Variants in DMD observed in about 807,000 individuals in gnomAD.
DMD encodes the protein dystrophin, also known as mutant dystrophin.
In DMD, 63 loss-of-function variants were observed where a neutral mutation model predicts 330.1. The observed-to-expected ratio is 0.19, with a 90% CI of 0.16 to 0.24. The LOEUF is 0.24. DMD is among the 10% of genes least tolerant of loss of function. The pLI is 1.00. For synonymous variants in DMD, 1,223 were observed against 959.8 expected (o/e 1.27, Z -5.07); for missense variants, 3,344 against 2,684.1 (o/e 1.25, Z -5.43).
chrX:32,750,083 T>C (rs1344379451), intron 7 of DMD, among the ~76,000 whole-genome samples: 3 of 112,311 alleles, frequency 2.7e-5, no homozygotes, highest in Non-Finnish European at 5.6e-5. Context: ...TCTACATATA[T>C]AGAAGACACT....
intron 64 of DMD, among the ~76,000 whole-genome samples, chrX:31,216,953 G>T (rs2045472226): frequency 8.9e-6 from 1 of 111,868 alleles, no homozygotes; most frequent in Non-Finnish European, 1.9e-5. Flanking sequence ...CAGAATATTT[G>T]TCACACTTAT....
chrX:31,863,222 A>C (rs2093740240), intron 48 of DMD, among the ~76,000 whole-genome samples: 1 of 112,383 alleles, frequency 8.9e-6, no homozygotes, highest in Non-Finnish European at 1.9e-5. Flanking sequence ...GGGCGCCTGT[A>C]GTCCCAGCTG....
intron 17 of DMD, among the ~76,000 whole-genome samples, chrX:32,527,567 T>G (rs1023373308): frequency 4.6e-5 from 5 of 109,727 alleles, no homozygotes; most frequent in Admixed American, 2.0e-4. Flanking sequence ...CCCTCTCTGC[T>G]TGTTTCCACA....
intron 53 of DMD, among the ~76,000 whole-genome samples, chrX:31,670,097 T>A (rs1339563470): frequency 8.9e-6 from 1 of 111,929 alleles, no homozygotes; most frequent in Non-Finnish European, 1.9e-5. Context: ...CACTTTTAGA[T>A]TATTCATTTT....
At chrX:32,755,124 A>T (rs1008899952) in intron 7 of DMD, 1 of 110,935 alleles carries the variant, frequency 9.0e-6, no homozygotes, top group Middle Eastern at 4.2e-3. Context: ...AGAATTGCCC[A>T]TGTATCTGCT....
chrX:31,610,610 T>C (rs2077859741), intron 55 of DMD, among the ~76,000 whole-genome samples: 1 of 112,298 alleles, frequency 8.9e-6, no homozygotes, highest in Admixed American at 9.5e-5. Flanking sequence ...GAAACATGTT[T>C]AACAAAATGC....
chrX:32,436,258 C>T (rs193098549), intron 29 of DMD, among the ~76,000 whole-genome samples: 12 of 111,625 alleles, frequency 1.1e-4, no homozygotes, highest in African/African-American at 3.9e-4. Flanking sequence ...CTTTTATTTC[C>T]TATTAAAAAT....
At chrX:32,883,432 A>G (rs2084156898) in intron 2 of DMD, among the ~76,000 whole-genome samples, 1 of 111,425 alleles carries the variant, frequency 9.0e-6, no homozygotes, top group Admixed American at 9.5e-5. Context: ...CACTACCCCA[A>G]TATTTTTTCC....
intron 41 of DMD, among the ~76,000 whole-genome samples, chrX:32,321,238 T>G (rs2097612612): frequency 1.8e-5 from 2 of 111,297 alleles, no homozygotes; most frequent in South Asian, 7.4e-4. Flanking sequence ...CACTTTGAAC[T>G]GAGTCCATGC....
intron 12 of DMD, among the ~76,000 whole-genome samples, chrX:32,613,784 T>C (rs972922103): frequency 8.9e-6 from 1 of 111,755 alleles, no homozygotes; most frequent in Non-Finnish European, 1.9e-5. Context: ...AGCCTAGCTA[T>C]GCTGTATTTT....
At chrX:32,196,723 C>T (rs766072191) in intron 44 of DMD, among the ~76,000 whole-genome samples, 68 of 110,813 alleles carry the variant, frequency 6.1e-4, no homozygotes, top group African/African-American at 2.1e-3. Flanking sequence ...CGGTGGCTCA[C>T]GCCTGTAATC....
At chrX:31,922,159 T>A (rs2094698610) in intron 47 of DMD, among the ~76,000 whole-genome samples, 1 of 111,022 alleles carries the variant, frequency 9.0e-6, no homozygotes, top group African/African-American at 3.3e-5. Flanking sequence ...GGGGAAGGAA[T>A]GCTGATGTCA....
At chrX:32,096,938 C>T (rs763256797) in intron 44 of DMD, among the ~76,000 whole-genome samples, 42 of 111,524 alleles carry the variant, frequency 3.8e-4, no homozygotes, top group African/African-American at 1.3e-3. Flanking sequence ...ACTAGAATAA[C>T]GACAGCTTTA....
intron 34 of DMD, among the ~76,000 whole-genome samples, chrX:32,366,607 G>T (rs1483219406): frequency 9.0e-6 from 1 of 111,692 alleles, no homozygotes; most frequent in Non-Finnish European, 1.9e-5. Context: ...ACAAGAGTAA[G>T]AAATTAGGTA....
At chrX:32,458,090 A>C (rs2098368118) in intron 25 of DMD, among the ~76,000 whole-genome samples, 1 of 110,841 alleles carries the variant, frequency 9.0e-6, no homozygotes, top group African/African-American at 3.3e-5. Flanking sequence ...TAATATCATC[A>C]CATTTTAAAG....
chrX:33,009,973 T>G (rs1467984762), intron 2 of DMD, among the ~76,000 whole-genome samples: 1 of 62,610 alleles, frequency 1.6e-5, no homozygotes, highest in South Asian at 8.8e-4. Context: ...CACATATGTG[T>G]GTATACACAT....
At chrX:32,477,355 G>A (rs1336998112) in intron 21 of DMD, among the ~76,000 whole-genome samples, 1 of 110,595 alleles carries the variant, frequency 9.0e-6, no homozygotes, top group East Asian at 2.8e-4. Flanking sequence ...GTGAGGGATG[G>A]AAGTGATAAA....
At chrX:32,243,578 A>G (rs145842863) in intron 43 of DMD, among the ~76,000 whole-genome samples, 3,700 of 111,915 alleles carry the variant, frequency 0.033, 150 homozygotes, top group African/African-American at 0.11. Flanking sequence ...CAGTCATTCC[A>G]TTATACAGGT....
At chrX:32,484,284 CT>C (rs2042207251) in intron 21 of DMD, among the ~76,000 whole-genome samples, 1 of 111,895 alleles carries the variant, frequency 8.9e-6, no homozygotes, top group African/African-American at 3.2e-5. Context: ...GGAGCAGATA[CT>C]ATGTATTAAC....
Sources: gnomAD v4.1 joint callset for allele counts (sites outside exome capture counted in the v4.1 genomes callset) on GRCh38, gnomAD v4.1.1 for gene constraint, MANE v1.5 for transcripts, NCBI Gene and HGNC (gene_info 2026-07-23, HGNC 2026-07-21) for gene names.